P4HA1: variants seen among roughly 807,000 people sequenced by gnomAD.
The protein encoded by P4HA1 is prolyl 4-hydroxylase subunit alpha-1.
Under a neutral mutation model 72.8 loss-of-function variants are expected in P4HA1, and 24 were observed. The observed-to-expected ratio is 0.33, with a 90% CI of 0.24 to 0.46. P4HA1 has a LOEUF of 0.46. Among genes scored for constraint, P4HA1 ranks in the 20% least tolerant of loss-of-function variants. The pLI is 1.00. For missense variants in P4HA1, 446 were observed against 640.6 expected (o/e 0.70, Z 3.28); for synonymous variants, 201 against 218.8 (o/e 0.92, Z 0.72).
chr10:73,051,333 C>T, intron 6 of P4HA1, 84 bp from the exon 7 acceptor site: 1 of 730,890 alleles, frequency 1.4e-6, no homozygotes, highest in Non-Finnish European at 2.2e-6. Context: ...AAATAGGAGA[C>T]ATTATAATTT....
intron 8 of P4HA1, among the ~76,000 whole-genome samples, chr10:73,045,904 G>T: frequency 6.8e-6 from 1 of 148,122 alleles, no homozygotes; most frequent in South Asian, 2.1e-4. Context: ...ATTTGGAGAA[G>T]CAGAAAAACT....
At chr10:73,040,370 T>C (rs1840703054) in intron 9 of P4HA1, among the ~76,000 whole-genome samples, 2 of 152,182 alleles carry the variant, frequency 1.3e-5, no homozygotes, top group Admixed American at 6.5e-5. Context: ...TTTTGATTTA[T>C]TGGCAACAGT....
chr10:73,056,557 G>A (rs539961501), intron 5 of P4HA1, among the ~76,000 whole-genome samples: 1 of 151,866 alleles, frequency 6.6e-6, no homozygotes, highest in Admixed American at 6.5e-5. Flanking sequence ...ACTTGAACCT[G>A]AGAGGCAGAG....
At chr10:73,048,027 G>A (rs1840915522) in intron 7 of P4HA1, among the ~76,000 whole-genome samples, 1 of 152,116 alleles carries the variant, frequency 6.6e-6, no homozygotes, top group East Asian at 1.9e-4. Context: ...ACTCCAGCCT[G>A]GGTGACAGAG....
intron 9 of P4HA1, among the ~76,000 whole-genome samples, chr10:73,032,803 TGTGG>T (rs572287528): frequency 1.9e-4 from 29 of 152,298 alleles, no homozygotes; most frequent in African/African-American, 6.7e-4. Flanking sequence ...AGAGAGAGTG[TGTGG>T]GTTTTTCTTT....
In P4HA1 at chr10:73,010,998, C is replaced by T. The variant is rs1297346574; in HGVS notation, c.1408G>A (p.Glu470Lys). 1 of 1,613,652 alleles carries T rather than the reference C, an allele frequency of 6.2e-7. No homozygotes were observed. Among genetic ancestry groups the T allele is most frequent in the Non-Finnish European group, 8.5e-7 (1 of 1,179,792 alleles). Reference protein sequence around the residue: ...VSAGGATVFPEVGASVWPKKG... With the variant: ...VSAGGATVFPKVGASVWPKKG... ...TTGGGCCAAACACTAGCTCCAACTTCAGGAAAAACAGTGGCTCCTCCTGCA... is the reference window on the plus strand; with the variant it reads ...TTGGGCCAAACACTAGCTCCAACTTTAGGAAAAACAGTGGCTCCTCCTGCA... The change falls in exon 13 of 15, where the codon GAA becomes AAA. Residue 470 changes from glutamate to lysine, a missense_variant. Coordinates refer to ENST00000394890, the MANE Select transcript of P4HA1 (RefSeq NM_001017962.3).
chr10:73,024,107 A>G (rs12570010), intron 10 of P4HA1, among the ~76,000 whole-genome samples: 16,182 of 152,166 alleles, frequency 0.11, 1,227 homozygotes, highest in East Asian at 0.29. Context: ...AATATCCAGG[A>G]CTGGAACTCA....
intron 1 of P4HA1, among the ~76,000 whole-genome samples, 193 bp from the exon 2 acceptor site, chr10:73,075,108 CTTTT>C (rs1841666204): frequency 1.3e-5 from 2 of 152,022 alleles, no homozygotes; most frequent in Admixed American, 1.3e-4. Context: ...CATGACATTT[CTTTT>C]TTGTGTTTTT....
At position 73,073,808 on chromosome 10, in the gene P4HA1, G is replaced by C; in HGVS notation, c.96C>G (p.Ile32Met). 6.4e-7 allele frequency: 1 copy of C among 1,559,222 alleles called. No individual in the cohort carries two copies. The highest frequency in any genetic ancestry group is 8.8e-7 in the Non-Finnish European group (1 of 1,130,940). The change falls in exon 3 of 15, where the codon ATC (isoleucine) becomes ATG (methionine). Residue 32 changes from isoleucine (I) to methionine (M), a missense_variant. Transcript: ENST00000394890. Reference protein sequence around the residue: ...FTSIGQMTDLIHTEKDLVTSL... With the variant: ...FTSIGQMTDLMHTEKDLVTSL... The stretch of plus-strand genomic sequence containing the variant: ...AAGTCACCAGATCTTTCTCAGTATG[G>C]ATCAAATCAGTCATCTGACCTAGAA...
In P4HA1 at chr10:73,078,600, A is replaced by ATTTTTTTT. The variant is rs770821126; in HGVS notation, c.-32-3693_-32-3686dup. ...TCTCTGGTTAGCAAAGCAGTAGGTA[A>ATTTTTTTT]TTTTTTTTTTTTTTTTTTTTTTTTT... On this transcript the variant is annotated intron_variant, in intron 1 of 14. Coordinates refer to ENST00000394890, the MANE Select transcript of P4HA1 (RefSeq NM_001017962.3). Among the ~76,000 whole-genome samples, 2 of 99,630 alleles carry ATTTTTTTT rather than the reference A, an allele frequency of 2.0e-5. 1 individual carries two copies. The highest frequency in any genetic ancestry group is 9.4e-5 in the African/African-American group (2 of 21,222). The allele number at this position is 99,630 out of a possible 152,430, so 65.4% of individuals were successfully genotyped here.
At chr10:73,068,542 A>C (rs565930666) in intron 5 of P4HA1, among the ~76,000 whole-genome samples, 2 of 152,192 alleles carry the variant, frequency 1.3e-5, no homozygotes, top group East Asian at 1.9e-4. Context: ...AAATAGTATT[A>C]GGTGTTCTGA....
intron 1 of P4HA1, among the ~76,000 whole-genome samples, chr10:73,082,211 T>C (rs1841840068): frequency 6.6e-6 from 1 of 152,202 alleles, no homozygotes; most frequent in African/African-American, 2.4e-5. Context: ...GCTATGATGT[T>C]CATCTTACAG....
Position 73,072,186 on chromosome 10 carries a change from G to C in P4HA1, c.174-6C>G. Reference sequence around the variant, plus strand: ...GATCTAACTTCTCTGCCCATCTACAGATGTAAAACATAAAAACTGAATATT... The same window carrying C: ...GATCTAACTTCTCTGCCCATCTACACATGTAAAACATAAAAACTGAATATT... On this transcript the variant is annotated splice_region_variant and splice_polypyrimidine_tract_variant and intron_variant, in intron 3 of 14. Coordinates refer to ENST00000394890, the MANE Select transcript of P4HA1 (RefSeq NM_001017962.3). The C allele has an allele frequency of 6.3e-7, 1 of 1,599,416 alleles. No individual in the cohort carries two copies. The highest frequency in any genetic ancestry group is 8.5e-7 in the Non-Finnish European group (1 of 1,171,172).
Position 73,040,621 on chromosome 10 carries a change from G to A in P4HA1, c.1148+4360C>T, listed in dbSNP as rs373201285. 1.6e-4 allele frequency among the ~76,000 whole-genome samples: 24 copies of A among 151,828 alleles called. No homozygotes were observed. The East Asian group carries it at 3.3e-3, about 21-fold the overall frequency. On this transcript the variant is annotated intron_variant, in intron 9 of 14. Coordinates refer to ENST00000394890, the MANE Select transcript of P4HA1 (RefSeq NM_001017962.3). ...CTCCCGAGTAGCTGGGATTACAGGC[G>A]CGCCACCACACCCAGCTAATTTTTG... is the stretch of plus-strand genomic sequence containing the variant.
intron 10 of P4HA1, 96 bp from the exon 11 acceptor site, chr10:73,016,995 T>C (rs1840019594): frequency 1.3e-6 from 1 of 795,648 alleles, no homozygotes; most frequent in Non-Finnish European, 2.1e-6. Context: ...TTATAGATCA[T>C]GGTCAGGTAT....
chr10:73,090,994 G>A (rs887253512), intron 1 of P4HA1, among the ~76,000 whole-genome samples: 1 of 146,908 alleles, frequency 6.8e-6, no homozygotes, highest in Non-Finnish European at 1.5e-5. Flanking sequence ...CCAGGAGGCA[G>A]AGGTTGCCGT....
intron 4 of P4HA1, among the ~76,000 whole-genome samples, chr10:73,070,150 T>C (rs1264653406): frequency 2.2e-5 from 2 of 91,164 alleles, no homozygotes; most frequent in African/African-American, 5.3e-5. Context: ...GCCTTTTTTT[T>C]TTTTTTTTTT....
At chr10:73,039,586 C>A (rs1257285830) in intron 9 of P4HA1, among the ~76,000 whole-genome samples, 2 of 152,148 alleles carry the variant, frequency 1.3e-5, no homozygotes, top group African/African-American at 2.4e-5. Flanking sequence ...GGATTACAGG[C>A]GTGAGCCACC....
chr10:73,008,339 G>A (rs201845172), intron 14 of P4HA1, 47 bp from the exon 15 acceptor site: 3 of 1,167,542 alleles, frequency 2.6e-6, no homozygotes, highest in Non-Finnish European at 2.5e-6. Context: ...AATCTAATCA[G>A]TATTTAATTA....
Sources: allele counts gnomAD v4.1 joint callset (sites outside exome capture counted in the v4.1 genomes callset), GRCh38; gene constraint gnomAD v4.1.1; transcripts MANE v1.5; gene names NCBI Gene and HGNC (gene_info 2026-07-23, HGNC 2026-07-21).